The following PTCHD4 variants were observed in gnomAD, a reference collection of about 807,000 sequenced individuals.
PTCHD4 encodes patched domain containing 4, also known as patched domain-containing protein 4.
PTCHD4 carries 33 observed loss-of-function variants against 58.1 expected under a neutral mutation model. The observed-to-expected ratio is 0.57, with a 90% confidence interval of 0.43 to 0.76. PTCHD4 has a LOEUF of 0.76. PTCHD4 is among the 30% of genes least tolerant of loss of function. The pLI, the probability that PTCHD4 is intolerant of heterozygous loss-of-function variation, is 0.00. For missense variants in PTCHD4, 1,058 were observed against 1,027.1 expected, an observed-to-expected ratio of 1.03 and a Z score of -0.41; for synonymous variants, 478 against 409.6, an observed-to-expected ratio of 1.17 and a Z score of -2.02.
At chr6:48,086,260 T>TG (rs897657210) in intron 1 of PTCHD4, among the ~76,000 whole-genome samples, 2 of 152,190 alleles carry the variant, frequency 1.3e-5, no homozygotes, top group Non-Finnish European at 2.9e-5. Context: ...CACTAACACT[T>TG]GCATTTCATA....
chr6:47,897,593 A>G (rs4715051), intron 4 of PTCHD4, among the ~76,000 whole-genome samples: 69,285 of 152,068 alleles, frequency 0.46, 17,350 homozygotes, highest in East Asian at 0.75. Context: ...GTGAAGGAAG[A>G]AAATCTAGAT....
chr6:48,060,128 C>T (rs191235085), intron 3 of PTCHD4, among the ~76,000 whole-genome samples: 32 of 152,312 alleles, frequency 2.1e-4, no homozygotes, highest in Admixed American at 1.4e-3. Context: ...GTGGCCAACA[C>T]ATTGCATGTG....
At chr6:48,003,838 T>C (rs1335710195) in intron 4 of PTCHD4, among the ~76,000 whole-genome samples, 2 of 152,184 alleles carry the variant, frequency 1.3e-5, no homozygotes, top group Admixed American at 1.3e-4. Context: ...CTTCTTCAGC[T>C]TCGCCAAGCA....
At chr6:47,897,466 G>T (rs1157868161) in intron 4 of PTCHD4, among the ~76,000 whole-genome samples, 2 of 152,138 alleles carry the variant, frequency 1.3e-5, no homozygotes, top group Non-Finnish European at 1.5e-5. Flanking sequence ...ATTGGTCTCT[G>T]GCATTCTGTC....
At chr6:47,989,067 G>A (rs1280692925) in intron 4 of PTCHD4, among the ~76,000 whole-genome samples, 1 of 152,224 alleles carries the variant, frequency 6.6e-6, no homozygotes, top group Non-Finnish European at 1.5e-5. Flanking sequence ...GGTCTCAGAT[G>A]GAGATGAAGA....
intron 4 of PTCHD4, among the ~76,000 whole-genome samples, chr6:47,938,682 G>C (rs1187385891): frequency 6.6e-6 from 1 of 152,218 alleles, no homozygotes; most frequent in African/African-American, 2.4e-5. Context: ...AGTGAGAATA[G>C]TGGTGTGCTT....
intron 1 of PTCHD4, among the ~76,000 whole-genome samples, chr6:48,099,917 A>T (rs1047519456): frequency 1.3e-5 from 2 of 152,376 alleles, no homozygotes; most frequent in Admixed American, 6.5e-5. Flanking sequence ...GAAATTCCCC[A>T]TAAGCAATTT....
In PTCHD4 at chr6:47,878,309, T is replaced by C. The variant is rs970023755; in HGVS notation, c.2526A>G (p.Thr842=). 3.8e-6 allele frequency: 6 copies of C among 1,588,804 alleles called. No individual in the cohort carries two copies. Among genetic ancestry groups the C allele is most frequent in the Non-Finnish European group, 5.1e-6 (6 of 1,168,620 alleles). ...ATCCACTGGTCTATACCCCTCATAC[T>C]GTGGTGACGTGATCCGGGTTCTCTT... ...EIQENPDHVT[T]V Residue 842 remains threonine, a synonymous_variant, in exon 5 of 5, where the codon ACA becomes ACG. Coordinates refer to ENST00000339488, the MANE Select transcript of PTCHD4 (RefSeq NM_001384253.1).
rs190030551 is a variant in PTCHD4, at chr6:48,083,048, G to A, written c.-969-13122C>T. 9.5e-4 allele frequency among the ~76,000 whole-genome samples: 144 copies of A among 150,854 alleles called. 1 individual carries two copies. Among genetic ancestry groups the A allele is most frequent in the Non-Finnish European group, 2.5e-4 (17 of 67,640 alleles). On this transcript the variant is annotated intron_variant, in intron 1 of 4. Transcript: ENST00000339488. ...GGGAAAAAAAAGTAATATAATTACC[G>A]GCATATTTGCACAGTATTTTTTGTT...
intron 1 of PTCHD4, among the ~76,000 whole-genome samples, chr6:48,092,355 T>C (rs182446700): frequency 1.8e-4 from 27 of 152,330 alleles, no homozygotes; most frequent in African/African-American, 6.3e-4. Context: ...AACTATCTAT[T>C]TTTTATTTTG....
At chr6:47,901,684 A>G in intron 4 of PTCHD4, 1 of 1,160,062 alleles carries the variant, frequency 8.6e-7, no homozygotes, top group Non-Finnish European at 1.1e-6. Flanking sequence ...TACCTGGAGG[A>G]TACTTAACCT....
rs1410827 is a variant in PTCHD4 at position 47,867,068 on chromosome 6, G to A, written c.*11235C>T. Among the ~76,000 whole-genome samples, 101,590 of 151,614 alleles carry A rather than the reference G, an allele frequency of 0.67. 34,476 individuals are homozygous for A. The highest frequency in any genetic ancestry group is 0.78 in the East Asian group (4,006 of 5,110). On this transcript the variant is annotated 3_prime_UTR_variant, in exon 5 of 5. Coordinates refer to ENST00000339488, the MANE Select transcript of PTCHD4 (RefSeq NM_001384253.1). Reference sequence around the variant, plus strand: ...CTTGTTTACAATGTTTTCTTTCTGGGAACAATCTATAAATCAGGGACAATA... The same window carrying A: ...CTTGTTTACAATGTTTTCTTTCTGGAAACAATCTATAAATCAGGGACAATA...
chr6:47,954,991 AG>A (rs1362624450), intron 4 of PTCHD4, among the ~76,000 whole-genome samples: 1 of 152,212 alleles, frequency 6.6e-6, no homozygotes, highest in East Asian at 1.9e-4. Flanking sequence ...CCCTGGCCAA[AG>A]TCTCAGCAAA....
intron 4 of PTCHD4, among the ~76,000 whole-genome samples, chr6:47,988,075 C>A (rs962048021): frequency 3.9e-5 from 6 of 152,034 alleles, no homozygotes; most frequent in Non-Finnish European, 8.8e-5. Context: ...CTGTGCCTGA[C>A]CCCAGTCACA....
At chr6:48,004,841 C>T (rs1003221331) in intron 4 of PTCHD4, among the ~76,000 whole-genome samples, 17 of 152,020 alleles carry the variant, frequency 1.1e-4, no homozygotes, top group African/African-American at 3.6e-4. Flanking sequence ...CACTTGAACC[C>T]GGAAGGTGGA....
At chr6:48,011,037 G>C (rs188206308) in intron 3 of PTCHD4, among the ~76,000 whole-genome samples, 1 of 152,072 alleles carries the variant, frequency 6.6e-6, no homozygotes, top group African/African-American at 2.4e-5. Flanking sequence ...TGCAATAAAC[G>C]TACGTGTGCA....
chr6:48,061,231 T>A (rs991422145), intron 3 of PTCHD4, among the ~76,000 whole-genome samples: 1 of 152,038 alleles, frequency 6.6e-6, no homozygotes, highest in African/African-American at 2.4e-5. Context: ...AAAGAGATGG[T>A]TGGATTTAAT....
At chr6:47,930,566 AG>A (rs1581894865) in intron 4 of PTCHD4, among the ~76,000 whole-genome samples, 1 of 152,334 alleles carries the variant, frequency 6.6e-6, no homozygotes, top group East Asian at 1.9e-4. Context: ...TTTACTTTCC[AG>A]AAAACCTAAA....
intron 4 of PTCHD4, among the ~76,000 whole-genome samples, chr6:47,895,499 G>C (rs911958937): frequency 6.6e-6 from 1 of 152,170 alleles, no homozygotes; most frequent in African/African-American, 2.4e-5. Context: ...AGGTAGATTA[G>C]TTAACATTGA....
Sources: gnomAD v4.1 joint callset for allele counts (sites outside exome capture counted in the v4.1 genomes callset) on GRCh38, gnomAD v4.1.1 for gene constraint, MANE v1.5 for transcripts, NCBI Gene and HGNC (gene_info 2026-07-23, HGNC 2026-07-21) for gene names.